Variants in CTNNA3 observed in about 807,000 individuals in gnomAD.
CTNNA3 encodes catenin alpha 3, also known as catenin alpha-3.
A neutral mutation model predicts 95.7 loss-of-function variants in CTNNA3; 76 were observed. That is an observed-to-expected ratio of 0.79 (90% CI 0.66 to 0.96). CTNNA3 has a LOEUF of 0.96. Among genes scored for constraint, CTNNA3 ranks in the 40% least tolerant of loss-of-function variants. The pLI is 0.00. For synonymous variants in CTNNA3, 431 were observed against 374.4 expected (o/e 1.15, Z -1.74); for missense variants, 1,191 against 1,089.8 (o/e 1.09, Z -1.31).
At chr10:66,447,132 C>T (rs2093428654) in intron 11 of CTNNA3, among the ~76,000 whole-genome samples, 2 of 151,874 alleles carry the variant, frequency 1.3e-5, no homozygotes, top group Admixed American at 6.6e-5. Flanking sequence ...TGTGAAGGGC[C>T]TCTTCAAGGA....
intron 9 of CTNNA3, among the ~76,000 whole-genome samples, chr10:66,724,771 G>C (rs1355952003): frequency 6.6e-6 from 1 of 152,130 alleles, no homozygotes; most frequent in Non-Finnish European, 1.5e-5. Flanking sequence ...CATCATCATT[G>C]TTTCAATATT....
chr10:67,616,827 T>A (rs1843674093), intron 2 of CTNNA3, among the ~76,000 whole-genome samples: 1 of 152,218 alleles, frequency 6.6e-6, no homozygotes. Flanking sequence ...TTCAATTTAA[T>A]TGTTCACTTG....
intron 7 of CTNNA3, among the ~76,000 whole-genome samples, chr10:67,090,751 C>T (rs1292700125): frequency 1.3e-5 from 2 of 152,004 alleles, no homozygotes; most frequent in African/African-American, 4.8e-5. Context: ...CATCAACTGA[C>T]AGACGCAACA....
intron 10 of CTNNA3, among the ~76,000 whole-genome samples, chr10:66,605,764 A>C (rs1167435451): frequency 6.6e-6 from 1 of 152,190 alleles, no homozygotes; most frequent in African/African-American, 2.4e-5. Flanking sequence ...ATACTGATGG[A>C]ATGTGTTGCC....
At chr10:67,738,532 C>T (rs1841315827) in intron 1 of CTNNA3, among the ~76,000 whole-genome samples, 1 of 152,130 alleles carries the variant, frequency 6.6e-6, no homozygotes, top group Non-Finnish European at 1.5e-5. Flanking sequence ...ATCAGAGTGC[C>T]TCTCCTCCTC....
chr10:67,716,456 A>G (rs1239524172), intron 1 of CTNNA3, among the ~76,000 whole-genome samples: 1 of 152,036 alleles, frequency 6.6e-6, no homozygotes, highest in Admixed American at 6.6e-5. Context: ...ATTTCTCCTA[A>G]TGCTCTCCCT....
At chr10:66,563,790 C>T (rs557857722) in intron 10 of CTNNA3, among the ~76,000 whole-genome samples, 35 of 152,214 alleles carry the variant, frequency 2.3e-4, no homozygotes, top group Non-Finnish European at 4.4e-5. Context: ...CCTATTGTTT[C>T]ACGAAGCCAG....
chr10:66,863,781 T>C (rs1161418202), intron 7 of CTNNA3, among the ~76,000 whole-genome samples: 2 of 152,056 alleles, frequency 1.3e-5, no homozygotes, highest in East Asian at 3.9e-4. Flanking sequence ...CAACAGGGTG[T>C]CTAATTGTGT....
rs541015539 is a variant in CTNNA3 at position 66,105,764 on chromosome 10, CA to C, written c.1885-2516del. Among the ~76,000 whole-genome samples the C allele has an allele frequency of 1.9e-4, 29 of 152,284 alleles. No homozygotes were observed. In the South Asian group the frequency reaches 4.8e-3, roughly 25 times the overall value. On this transcript the variant is annotated intron_variant, in intron 13 of 17. Coordinates refer to ENST00000433211, the MANE Select transcript of CTNNA3 (RefSeq NM_013266.4). ...TGAACAAAATCAGTGGGGAAGTGTT[CA>C]AAACACTTGCTGGCAGCATTTCACA...
At chr10:66,472,822 C>G (rs544323936) in intron 11 of CTNNA3, among the ~76,000 whole-genome samples, 7 of 151,902 alleles carry the variant, frequency 4.6e-5, no homozygotes, top group Non-Finnish European at 7.4e-5. Context: ...TTTCAAAACA[C>G]AAAAATATAG....
chr10:67,656,266 A>T (rs1350366576), intron 1 of CTNNA3, among the ~76,000 whole-genome samples: 3 of 152,188 alleles, frequency 2.0e-5, no homozygotes, highest in African/African-American at 7.2e-5. Flanking sequence ...GTGATGAAGG[A>T]ATAGTTGGGT....
intron 11 of CTNNA3, among the ~76,000 whole-genome samples, chr10:66,432,081 A>G (rs1249196601): frequency 6.6e-6 from 1 of 152,078 alleles, no homozygotes; most frequent in East Asian, 1.9e-4. Flanking sequence ...GGAATTCGTA[A>G]AATAATTCTG....
At chr10:67,298,443 T>A (rs1482533486) in intron 5 of CTNNA3, among the ~76,000 whole-genome samples, 1 of 152,224 alleles carries the variant, frequency 6.6e-6, no homozygotes, top group Non-Finnish European at 1.5e-5. Flanking sequence ...TTCACTGATG[T>A]GGTTAGCCCT....
chr10:66,653,833 C>A (rs1845989818), intron 9 of CTNNA3, among the ~76,000 whole-genome samples: 1 of 151,806 alleles, frequency 6.6e-6, no homozygotes, highest in Non-Finnish European at 1.5e-5. Context: ...GATGAGGGTG[C>A]CAAGAATAGA....
chr10:67,173,585 A>G (rs1589821954), intron 7 of CTNNA3, among the ~76,000 whole-genome samples: 1 of 152,180 alleles, frequency 6.6e-6, no homozygotes, highest in Non-Finnish European at 1.5e-5. Flanking sequence ...ATATGATCTA[A>G]GACAACAATC....
rs2079385700 is a variant in CTNNA3 at position 66,028,510 on chromosome 10, C to T, written c.2160-39713G>A. 2.0e-5 allele frequency among the ~76,000 whole-genome samples: 3 copies of T among 151,954 alleles called. No homozygotes were observed. The South Asian group carries it at 6.2e-4, about 32-fold the overall frequency. ...TATCGCAAGGACAAAAAACCAAACA[C>T]CGCATGTTCTCACTCATAGGTGGGA... is the stretch of plus-strand genomic sequence containing the variant. On this transcript the variant is annotated intron_variant, in intron 15 of 17. Coordinates refer to ENST00000433211, the MANE Select transcript of CTNNA3 (RefSeq NM_013266.4).
intron 7 of CTNNA3, among the ~76,000 whole-genome samples, chr10:66,835,982 A>T (rs1369788764): frequency 6.6e-6 from 1 of 152,034 alleles, no homozygotes; most frequent in Non-Finnish European, 1.5e-5. Context: ...CAACACCTGT[A>T]CTAGAGAAAA....
chr10:67,615,140 A>G (rs1843605773), intron 2 of CTNNA3, among the ~76,000 whole-genome samples: 1 of 152,266 alleles, frequency 6.6e-6, no homozygotes. Context: ...ACCACAAGTG[A>G]TACAAAAAGT....
chr10:67,090,578 A>C (rs1327811285), intron 7 of CTNNA3, among the ~76,000 whole-genome samples: 2 of 152,132 alleles, frequency 1.3e-5, no homozygotes, highest in Non-Finnish European at 2.9e-5. Flanking sequence ...GATTTTATAC[A>C]AATTATTTAA....
Sources: gnomAD v4.1 joint callset for allele counts (sites outside exome capture counted in the v4.1 genomes callset) on GRCh38, gnomAD v4.1.1 for gene constraint, MANE v1.5 for transcripts, NCBI Gene and HGNC (gene_info 2026-07-23, HGNC 2026-07-21) for gene names.